The following TANC2 variants were observed in gnomAD, a reference collection of about 807,000 sequenced individuals.
The protein encoded by TANC2 is tetratricopeptide repeat, ankyrin repeat and coiled-coil containing 2.
TANC2 carries 26 observed loss-of-function variants against 210.5 expected under a neutral mutation model. The ratio of observed to expected loss-of-function variants is 0.12; its 90% CI spans 0.09 to 0.17. TANC2 has a LOEUF of 0.17. Among genes scored for constraint, TANC2 ranks in the 10% least tolerant of loss-of-function variants. TANC2 has a pLI of 1.00. For synonymous variants in TANC2, 931 were observed against 967.1 expected, an observed-to-expected ratio of 0.96 and a Z score of 0.69; for missense variants, 2,129 against 2,608.9, an observed-to-expected ratio of 0.82 and a Z score of 4.01.
chr17:63,087,657 T>A (rs1206337215), intron 3 of TANC2, among the ~76,000 whole-genome samples: 3 of 152,142 alleles, frequency 2.0e-5, no homozygotes, highest in Non-Finnish European at 2.9e-5. Context: ...ACTGAGAGTC[T>A]CATAGTGCTC....
intron 1 of TANC2, among the ~76,000 whole-genome samples, chr17:63,006,513 T>C (rs1401883442): frequency 6.6e-6 from 1 of 152,180 alleles, no homozygotes; most frequent in Non-Finnish European, 1.5e-5. Context: ...ATTTACTTTG[T>C]TCAACTTATG....
intron 2 of TANC2, among the ~76,000 whole-genome samples, chr17:63,034,126 T>C (rs2144169445): frequency 6.6e-6 from 1 of 152,320 alleles, no homozygotes; most frequent in Middle Eastern, 3.4e-3. Flanking sequence ...AGATGCCATC[T>C]AGGACTTTGT....
chr17:63,267,994 C>A, intron 9 of TANC2, 121 bp downstream of exon 9: 1 of 1,139,992 alleles, frequency 8.8e-7, no homozygotes, highest in Non-Finnish European at 1.2e-6. Flanking sequence ...GTGAAATGAT[C>A]CATTTTAGCA....
rs542621575 is a variant in TANC2, at chr17:63,058,475, C to T, written c.68-15468C>T. 3.3e-5 allele frequency among the ~76,000 whole-genome samples: 5 copies of T among 152,236 alleles called. No homozygotes were observed. In the East Asian group the frequency reaches 9.6e-4, roughly 29 times the overall value. ...CTTTTGTGGCAGTTGCTTTTGGTGT[C>T]TTTGCCATGACATCTTTGCCAGTTC... On this transcript the variant is annotated intron_variant, in intron 2 of 27. Coordinates refer to ENST00000689528, the Ensembl canonical transcript of TANC2.
At position 63,266,259 on chromosome 17, in the gene TANC2, C is replaced by G. The variant is rs62074978; in HGVS notation, c.1034-1489C>G. ...AATAAAATATTCTTTTGACTGCTATCTGCTACATTCTTTAGTAAAATGTTT... is the reference window on the plus strand; with the variant it reads ...AATAAAATATTCTTTTGACTGCTATGTGCTACATTCTTTAGTAAAATGTTT... On this transcript the variant is annotated intron_variant, in intron 8 of 27. Transcript: ENST00000689528. Among the ~76,000 whole-genome samples, 206 of 152,162 alleles carry G rather than the reference C, an allele frequency of 1.4e-3. 2 individuals are homozygous for G. The highest frequency in any genetic ancestry group is 0.012 in the South Asian group (57 of 4,820).
chr17:63,395,620 T>C (rs2048129691), intron 17 of TANC2, 123 bp from the exon 18 acceptor site: 4 of 819,804 alleles, frequency 4.9e-6, no homozygotes, highest in South Asian at 3.6e-5. Context: ...TGCTCAGAGA[T>C]TGGTTCCAGG....
At chr17:63,190,565 T>C (rs970271885) in intron 5 of TANC2, among the ~76,000 whole-genome samples, 1 of 152,134 alleles carries the variant, frequency 6.6e-6, no homozygotes, top group African/African-American at 2.4e-5. Context: ...TATGATCAGC[T>C]GGTCAATTTC....
intron 12 of TANC2, among the ~76,000 whole-genome samples, chr17:63,343,231 A>G (rs910096864): frequency 2.6e-5 from 4 of 152,240 alleles, no homozygotes; most frequent in African/African-American, 9.6e-5. Flanking sequence ...TTAAATATAA[A>G]GACACAGATT....
At chr17:63,322,754 G>T (rs1167226290) in intron 11 of TANC2, among the ~76,000 whole-genome samples, 3 of 152,158 alleles carry the variant, frequency 2.0e-5, no homozygotes, top group Non-Finnish European at 4.4e-5. Context: ...AGATCACAGA[G>T]AATTAATTCT....
rs1370621479 is a variant in TANC2, at chr17:63,421,471, A to C, written c.5741A>C (p.Gln1914Pro). 1.9e-6 allele frequency: 3 copies of C among 1,613,922 alleles called. No individual in the cohort carries two copies. Among genetic ancestry groups the C allele is most frequent in the Non-Finnish European group, 2.5e-6 (3 of 1,179,874 alleles). The stretch of plus-strand genomic sequence containing the variant: ...GAGCTGTCGCCAGTGTCTCCAACTC[A>C]AGGAGGTTACCCCAGTGAGCCCACC... Residue 1914 changes from glutamine to proline, a missense_variant, in exon 28 of 28, where the codon CAA becomes CCA. Physicochemically the swap from Gln to Pro is moderately conservative, Grantham distance 76. Around this residue, in one of 5 missense-constraint regions of TANC2, gnomAD observed 584 missense variants for 627.3 expected, o/e 0.93. Transcript: ENST00000689528. The surrounding 1 kb of genome is among the most constrained non-coding windows in gnomAD (Gnocchi z 6.9).
At chr17:62,976,349 C>T (rs917376228) in intron 1 of TANC2, among the ~76,000 whole-genome samples, 1 of 152,052 alleles carries the variant, frequency 6.6e-6, no homozygotes, top group Non-Finnish European at 1.5e-5. Context: ...TCCTTACACC[C>T]CTACCCCCAG....
intron 11 of TANC2, among the ~76,000 whole-genome samples, chr17:63,330,588 C>T (rs1477069705): frequency 6.6e-6 from 1 of 152,158 alleles, no homozygotes; most frequent in African/African-American, 2.4e-5. Context: ...TATAATTCAT[C>T]TAATGCATTC....
rs1346827983 is a variant in TANC2 at position 63,098,519 on chromosome 17, A to ATATATG, written c.140-651_140-650insGTATAT. On this transcript the variant is annotated intron_variant, in intron 3 of 27. Coordinates refer to ENST00000689528, the Ensembl canonical transcript of TANC2. The stretch of plus-strand genomic sequence containing the variant: ...TCTCTCTCTCTCTCTCTGTGTGTAT[A>ATATATG]TATATATATATATATGTAAAAATTT... Among the ~76,000 whole-genome samples, 226 of 136,730 alleles carry ATATATG rather than the reference A, an allele frequency of 1.7e-3. 9 individuals are homozygous for ATATATG. Among genetic ancestry groups the ATATATG allele is most frequent in the African/African-American group, 6.0e-3 (219 of 36,572 alleles). The allele number at this position is 136,730 out of a possible 152,430, so 89.7% of individuals were successfully genotyped here.
intron 4 of TANC2, among the ~76,000 whole-genome samples, chr17:63,103,708 G>A (rs572237921): frequency 1.4e-4 from 22 of 152,284 alleles, no homozygotes; most frequent in Admixed American, 5.2e-4. Flanking sequence ...TGAGAAATTT[G>A]TAAAAATTGC....
At chr17:63,390,056 G>A (rs2047916563) in intron 17 of TANC2, 1 of 167,282 alleles carries the variant, frequency 6.0e-6, no homozygotes, top group African/African-American at 2.4e-5. Context: ...TACTCAGACT[G>A]ACCAAGGGCA....
At chr17:62,972,415 C>G (rs1014196994) in intron 1 of TANC2, among the ~76,000 whole-genome samples, 1 of 152,170 alleles carries the variant, frequency 6.6e-6, no homozygotes, top group East Asian at 1.9e-4. Context: ...TATAGTGCAT[C>G]TTAAACTCCT....
chr17:63,331,730 A>G (rs2045849124), intron 11 of TANC2, among the ~76,000 whole-genome samples: 1 of 152,230 alleles, frequency 6.6e-6, no homozygotes, highest in African/African-American at 2.4e-5. Flanking sequence ...TCATACGTAG[A>G]CAATCTCTCC....
intron 4 of TANC2, among the ~76,000 whole-genome samples, chr17:63,120,977 C>T (rs917335956): frequency 1.5e-4 from 23 of 151,798 alleles, no homozygotes; most frequent in African/African-American, 5.6e-4. Flanking sequence ...GTTTTTTCCC[C>T]TGGTTTTCAC....
intron 4 of TANC2, among the ~76,000 whole-genome samples, chr17:63,145,045 T>G (rs975433094): frequency 3.3e-5 from 5 of 152,106 alleles, no homozygotes; most frequent in Non-Finnish European, 7.4e-5. Flanking sequence ...GTGTGTGCTT[T>G]ATTTTATTTT....
Sources: gnomAD v4.1 joint callset for allele counts (sites outside exome capture counted in the v4.1 genomes callset) on GRCh38, gnomAD v4.1.1 for gene constraint, gnomAD v4.1.1 regional missense constraint, Gnocchi (gnomAD v3.1) non-coding constraint, MANE v1.5 for transcripts, NCBI Gene and HGNC (gene_info 2026-07-23, HGNC 2026-07-21) for gene names.